The following PRKCQ variants were observed in gnomAD, a reference collection of about 807,000 sequenced individuals.
The protein encoded by PRKCQ is protein kinase C theta.
PRKCQ carries 41 observed loss-of-function variants against 91.2 expected under a neutral mutation model. The ratio of observed to expected loss-of-function variants is 0.45; its 90% CI spans 0.35 to 0.58. The LOEUF (loss-of-function observed/expected upper bound fraction) is 0.58, where lower values mean the gene tolerates loss of function less well. PRKCQ is among the 20% of genes least tolerant of loss of function. The probability of loss-of-function intolerance (pLI) is 0.00; values close to 1 mark genes in which losing one functional copy is unlikely to be tolerated. For synonymous variants in PRKCQ, 307 were observed against 316.9 expected, an observed-to-expected ratio of 0.97 and a Z score of 0.33; for missense variants, 673 against 896.5, an observed-to-expected ratio of 0.75 and a Z score of 3.18.
intron 7 of PRKCQ, among the ~76,000 whole-genome samples, chr10:6,492,950 A>G (rs975918470): frequency 1.8e-4 from 27 of 152,234 alleles, no homozygotes; most frequent in African/African-American, 6.5e-4. Flanking sequence ...AAGCCTGTGT[A>G]GAATCGATTA....
chr10:6,432,172 A>G (rs932556037), intron 16 of PRKCQ, among the ~76,000 whole-genome samples: 1 of 152,116 alleles, frequency 6.6e-6, no homozygotes, highest in East Asian at 1.9e-4. Context: ...GGAACGCGTG[A>G]TTTTCCAGGA....
At chr10:6,514,553 T>C (rs943576037) in intron 2 of PRKCQ, among the ~76,000 whole-genome samples, 2 of 152,244 alleles carry the variant, frequency 1.3e-5, no homozygotes, top group Non-Finnish European at 2.9e-5. Flanking sequence ...TGGATTCTAA[T>C]GGCTAATTAT....
chr10:6,469,429 G>A (rs1835848262), intron 12 of PRKCQ, among the ~76,000 whole-genome samples: 1 of 152,174 alleles, frequency 6.6e-6, no homozygotes, highest in South Asian at 2.1e-4. Context: ...CTGGGGAGTA[G>A]TTTAGGAACA....
intron 7 of PRKCQ, 53 bp from the exon 8 acceptor site, chr10:6,491,865 G>A: frequency 1.2e-6 from 2 of 1,610,678 alleles, no homozygotes; most frequent in Non-Finnish European, 1.7e-6. Context: ...CCCGACTTTG[G>A]ATGTTCTTGC....
intron 14 of PRKCQ, among the ~76,000 whole-genome samples, chr10:6,461,258 C>A (rs1325270373): frequency 6.6e-6 from 1 of 152,076 alleles, no homozygotes; most frequent in Non-Finnish European, 1.5e-5. Context: ...TTCATCCAAC[C>A]ATCTGTTCAC....
At chr10:6,476,297 TGTCA>T (rs560114829) in intron 12 of PRKCQ, among the ~76,000 whole-genome samples, 178 of 136,312 alleles carry the variant, frequency 1.3e-3, no homozygotes, top group African/African-American at 4.8e-3. Flanking sequence ...ACATGAAAAC[TGTCA>T]TACATGCAAA....
intron 16 of PRKCQ, among the ~76,000 whole-genome samples, chr10:6,432,912 C>G (rs1252488914): frequency 6.6e-6 from 1 of 152,166 alleles, no homozygotes; most frequent in Non-Finnish European, 1.5e-5. Context: ...CTTCCCTCCC[C>G]TCATCTTTAA....
At chr10:6,493,021 C>G (rs138582391) in intron 7 of PRKCQ, among the ~76,000 whole-genome samples, 19 of 152,308 alleles carry the variant, frequency 1.2e-4, no homozygotes, top group African/African-American at 4.1e-4. Context: ...TTTCGGGACT[C>G]ACTTATATTC....
intron 16 of PRKCQ, among the ~76,000 whole-genome samples, chr10:6,439,509 C>T (rs964130741): frequency 2.0e-5 from 3 of 152,084 alleles, no homozygotes; most frequent in African/African-American, 7.2e-5. Context: ...AGTGTGCCTG[C>T]CTCTCCTGCC....
chr10:6,498,429 G>A lies in PRKCQ; in HGVS notation c.509C>T (p.Pro170Leu). 6.2e-7 allele frequency: 1 copy of A among 1,614,188 alleles called. No individual in the cohort carries two copies. The highest frequency in any genetic ancestry group is 1.3e-5 in the African/African-American group (1 of 75,052). Reference protein sequence around the residue: ...HEFTATFFPQPTFCSVCHEFV... With the variant: ...HEFTATFFPQLTFCSVCHEFV... ...CTCGTGGCAGACAGAGCAAAATGTG[G>A]GCTGTGGGAAGAAGGTGGCAGTGAA... Residue 170 changes from proline (P) to leucine (L), a missense_variant, in exon 5 of 18, where the codon CCC becomes CTC. Pro to Leu is a moderately conservative substitution (Grantham distance 98). Coordinates refer to ENST00000263125, the MANE Select transcript of PRKCQ (RefSeq NM_006257.5).
At chr10:6,403,025 T>G in the PRKCQ span, among the ~76,000 whole-genome samples, 1 of 152,246 alleles carries the variant, frequency 6.6e-6, no homozygotes, top group Admixed American at 6.5e-5. Context: ...CTGCTTCCTG[T>G]CCTCCCTTCC....
the PRKCQ span, among the ~76,000 whole-genome samples, chr10:6,414,824 A>G: frequency 0.32 from 49,036 of 150,942 alleles, 8,754 homozygotes; most frequent in African/African-American, 0.48. Flanking sequence ...CCCCCATAAC[A>G]TCAATGAACT....
chr10:6,561,057 A>C (rs1253534819), intron 1 of PRKCQ, among the ~76,000 whole-genome samples: 1 of 147,670 alleles, frequency 6.8e-6, no homozygotes, highest in African/African-American at 2.5e-5. Context: ...AAAAAAATTT[A>C]TTCTTTTCAA....
intron 4 of PRKCQ, among the ~76,000 whole-genome samples, chr10:6,504,986 C>T (rs1470384417): frequency 7.2e-5 from 11 of 151,826 alleles, no homozygotes; most frequent in Non-Finnish European, 4.4e-5. Context: ...CTCCGCCTCC[C>T]GGGTTCATGC....
intron 8 of PRKCQ, among the ~76,000 whole-genome samples, chr10:6,487,564 T>C (rs199878006): frequency 6.7e-4 from 102 of 152,300 alleles, no homozygotes; most frequent in African/African-American, 2.3e-3. Context: ...TTCTGATTCA[T>C]GAATCTTGAA....
At chr10:6,559,688 T>C (rs796166639) in intron 1 of PRKCQ, among the ~76,000 whole-genome samples, 49 of 152,256 alleles carry the variant, frequency 3.2e-4, no homozygotes, top group African/African-American at 1.2e-3. Flanking sequence ...CATGATTTTG[T>C]GGCAGCAAGT....
intron 16 of PRKCQ, among the ~76,000 whole-genome samples, chr10:6,436,660 C>T (rs1833714269): frequency 6.6e-6 from 1 of 152,196 alleles, no homozygotes; most frequent in Non-Finnish European, 1.5e-5. Context: ...TATCAATGGA[C>T]TCAGAGAGTA....
At chr10:6,559,157 C>T (rs1020677877) in intron 1 of PRKCQ, among the ~76,000 whole-genome samples, 3 of 152,184 alleles carry the variant, frequency 2.0e-5, no homozygotes, top group African/African-American at 7.2e-5. Context: ...TAAATGACCA[C>T]AGTCAGATAC....
intron 1 of PRKCQ, among the ~76,000 whole-genome samples, chr10:6,575,608 T>A (rs907729102): frequency 5.9e-5 from 9 of 152,210 alleles, no homozygotes; most frequent in Non-Finnish European, 1.3e-4. Context: ...AAGGTGTATA[T>A]GCTCAAGCTG....
Sources: allele counts gnomAD v4.1 joint callset (sites outside exome capture counted in the v4.1 genomes callset), GRCh38; gene constraint gnomAD v4.1.1; transcripts MANE v1.5; gene names NCBI Gene and HGNC (gene_info 2026-07-23, HGNC 2026-07-21).